The following VCPKMT variants were observed in gnomAD, a reference collection of about 807,000 sequenced individuals.
VCPKMT encodes the protein protein N-lysine methyltransferase METTL21D.
Under a neutral mutation model 28.6 loss-of-function variants are expected in VCPKMT, and 32 were observed. That is an observed-to-expected ratio of 1.12 (90% CI 0.84 to 1.50). The LOEUF (loss-of-function observed/expected upper bound fraction) is 1.50. Among genes scored for constraint, VCPKMT ranks in the 40% most tolerant of loss-of-function variants. VCPKMT has a pLI of 0.00. For synonymous variants in VCPKMT, 138 were observed against 111.4 expected (o/e 1.24, Z -1.50); for missense variants, 366 against 285.0 (o/e 1.28, Z -2.05).
chr14:50,104,227 T>A (rs888602584), downstream of VCPKMT, among the ~76,000 whole-genome samples: 2 of 152,228 alleles, frequency 1.3e-5, no homozygotes, highest in African/African-American at 2.4e-5. Context: ...AATGATAGCA[T>A]CTTGTCATTA....
rs115561175 is a variant in VCPKMT, at chr14:50,115,613, G to C, written c.450+226C>G. ...TTTAAAATTTTTACAGAAGCCTCTAGTAAAATGCATATAACACTTTTCTCA... is the reference window on the plus strand; with the variant it reads ...TTTAAAATTTTTACAGAAGCCTCTACTAAAATGCATATAACACTTTTCTCA... On this transcript the variant is annotated intron_variant, in intron 3 of 5. Transcript: ENST00000395860. Among the ~76,000 whole-genome samples the C allele has an allele frequency of 5.5e-3, 840 of 152,298 alleles. 10 individuals are homozygous for C. The highest frequency in any genetic ancestry group is 0.019 in the African/African-American group (806 of 41,546).
rs1447094267 is a variant in VCPKMT at position 50,109,208 on chromosome 14, G to A, written c.*491C>T. The A allele has an allele frequency of 1.1e-6, 1 of 894,394 alleles. No individual in the cohort carries two copies. The highest frequency in any genetic ancestry group is 1.3e-6 in the Non-Finnish European group (1 of 746,984). 55.4% of individuals were successfully genotyped at this position (894,394 alleles called of 1,614,324 possible). ...AAAGATATTTTAAAAGAAATGAAGT[G>A]GAAAATACAAATGATAAATATTGTA... On this transcript the variant is annotated 3_prime_UTR_variant, in exon 6 of 6. Transcript: ENST00000395860.
At chr14:50,110,635 G>T (rs1274815838) in intron 5 of VCPKMT, among the ~76,000 whole-genome samples, 1 of 152,192 alleles carries the variant, frequency 6.6e-6, no homozygotes, top group African/African-American at 2.4e-5. Context: ...ACACAGTTTG[G>T]CAAGTCTTCA....
Position 50,109,447 on chromosome 14 carries a change from C to T in VCPKMT, c.*252G>A. The T allele has an allele frequency of 8.3e-7, 1 of 1,209,142 alleles. No individual in the cohort carries two copies. The highest frequency in any genetic ancestry group is 1.6e-5 in the African/African-American group (1 of 63,724). The allele number at this position is 1,209,142 out of a possible 1,614,324, so 74.9% of individuals were successfully genotyped here. A position where few individuals can be genotyped will look rare whatever the true frequency, so the allele number is the denominator to read the frequency against. The stretch of plus-strand genomic sequence containing the variant: ...TTTTATTTGAATAACTGATTCCCAA[C>T]ATTTAAGAAGAACTTGATGCTGAAC... On this transcript the variant is annotated 3_prime_UTR_variant, in exon 6 of 6. Coordinates refer to ENST00000395860, the MANE Select transcript of VCPKMT (RefSeq NM_024558.3).
At chr14:50,113,730 C>G (rs1038070947) in intron 4 of VCPKMT, among the ~76,000 whole-genome samples, 1 of 137,264 alleles carries the variant, frequency 7.3e-6, no homozygotes, top group African/African-American at 2.8e-5. Flanking sequence ...CCCATCTCTA[C>G]AAAAAAATAC....
chr14:50,115,151 T>G (rs1429237892), intron 3 of VCPKMT, among the ~76,000 whole-genome samples: 5 of 117,164 alleles, frequency 4.3e-5, no homozygotes, highest in East Asian at 4.4e-4. Context: ...TGATGTTTTT[T>G]TTTTTTTTTT....
Position 50,114,368 on chromosome 14 carries a change from T to G in VCPKMT, c.487A>C (p.Ser163Arg), listed in dbSNP as rs768983228. The G allele has an allele frequency of 6.3e-7, 1 of 1,583,294 alleles. No homozygotes were observed. The highest frequency in any genetic ancestry group is 8.6e-7 in the Non-Finnish European group (1 of 1,167,740). The change falls in exon 4 of 6, where the codon AGC becomes CGC. Residue 163 changes from serine to arginine, a missense_variant. Physicochemically the swap from Ser to Arg is moderately radical, Grantham distance 110. Transcript: ENST00000395860. ...CATATAATACAAGTTTCAAATCCGC[T>G]GATATCTTTTAGAGTTTTCAGCAAT... is the stretch of plus-strand genomic sequence containing the variant. Reference protein sequence around the residue: ...EPLLKTLKDISGFETCIICCY... With the variant: ...EPLLKTLKDIRGFETCIICCY...
chr14:50,102,964 T>C, the VCPKMT span, among the ~76,000 whole-genome samples: 2 of 152,246 alleles, frequency 1.3e-5, no homozygotes, highest in African/African-American at 4.8e-5. Context: ...AGCCCACTGC[T>C]CATGGGCCGC....
rs751365839 is a variant in VCPKMT, at chr14:50,115,919, A to G, written c.378-8T>C. 6.2e-7 allele frequency: 1 copy of G among 1,613,180 alleles called. No homozygotes were observed. The highest frequency in any genetic ancestry group is 1.1e-5 in the South Asian group (1 of 90,968). Reference sequence around the variant, plus strand: ...CCTTCTATTTCTTCCCCCCTTAAAAATGCCAAACAAATATTTCAATTGTTT... The same window carrying G: ...CCTTCTATTTCTTCCCCCCTTAAAAGTGCCAAACAAATATTTCAATTGTTT... On this transcript the variant is annotated splice_polypyrimidine_tract_variant and splice_region_variant and intron_variant, in intron 2 of 5. Coordinates refer to ENST00000395860, the MANE Select transcript of VCPKMT (RefSeq NM_024558.3).
chr14:50,108,683 A>G lies in VCPKMT; in HGVS notation c.*1016T>C, dbSNP rs1239499620. On this transcript the variant is annotated 3_prime_UTR_variant, in exon 6 of 6. Transcript: ENST00000395860. ...TAACACATAAAATGTACCATCTAGC[A>G]CCAATGCCTATAAATACCAGAATTC... 1.0e-6 allele frequency: 1 copy of G among 985,738 alleles called. No homozygotes were observed. The highest frequency in any genetic ancestry group is 6.1e-5 in the Admixed American group (1 of 16,270). The allele number at this position is 985,738 out of a possible 1,614,324, so 61.1% of individuals were successfully genotyped here.
At chr14:50,106,510 C>T (rs948781322), downstream of VCPKMT, 165 of 977,062 alleles carry the variant, frequency 1.7e-4, no homozygotes, top group Middle Eastern at 1.1e-3. Context: ...GTCTTCTAAC[C>T]CTCAATTCAT....
chr14:50,109,976 T>G (rs1176809987), intron 5 of VCPKMT, among the ~76,000 whole-genome samples: 3 of 152,214 alleles, frequency 2.0e-5, no homozygotes, highest in African/African-American at 7.2e-5. Context: ...CCGGGTGTGG[T>G]GGCTCACACC....
chr14:50,107,880 C>T (rs1882387149), downstream of VCPKMT, among the ~76,000 whole-genome samples: 1 of 151,990 alleles, frequency 6.6e-6, no homozygotes. Context: ...AGGCCAAAGA[C>T]CCACAGATAG....
At chr14:50,110,434 CCAAG>C (rs1882562943) in intron 5 of VCPKMT, among the ~76,000 whole-genome samples, 1 of 152,022 alleles carries the variant, frequency 6.6e-6, no homozygotes, top group Non-Finnish European at 1.5e-5. Context: ...TGAAAATGGG[CCAAG>C]CATTTCTTCT....
downstream of VCPKMT, among the ~76,000 whole-genome samples, chr14:50,106,920 A>G (rs113085958): frequency 9.5e-3 from 1,450 of 152,248 alleles, 21 homozygotes; most frequent in African/African-American, 0.033. Flanking sequence ...GGGTCTTGCT[A>G]TGTTGCCCAG....
At chr14:50,114,128 G>C (rs1882925481) in intron 4 of VCPKMT, among the ~76,000 whole-genome samples, 157 bp downstream of exon 4, 1 of 152,130 alleles carries the variant, frequency 6.6e-6, no homozygotes, top group African/African-American at 2.4e-5. Flanking sequence ...TGAAAAAGGG[G>C]AGCTTCGTAG....
At chr14:50,115,205 T>G (rs1229482655) in intron 3 of VCPKMT, among the ~76,000 whole-genome samples, 1 of 147,042 alleles carries the variant, frequency 6.8e-6, no homozygotes, top group East Asian at 2.0e-4. Flanking sequence ...CAGGCTGGAA[T>G]GCAATGGCAT....
rs373405834 is a variant in VCPKMT at position 50,116,520 on chromosome 14, G to A, written c.33C>T (p.Asp11=). ...AAACTCGCACAAAGCTCCGCAGTGG[G>A]TCCTCCAGCGAGGACTCCAGCGTAT... MADTLESSLE[D]PLRSFVRVLE... The change falls in exon 1 of 6, where the codon GAC becomes GAT. Residue 11 remains aspartate (D), a synonymous_variant. Coordinates refer to ENST00000395860, the MANE Select transcript of VCPKMT (RefSeq NM_024558.3). 5.3e-5 allele frequency: 85 copies of A among 1,613,138 alleles called. No individual in the cohort carries two copies. The highest frequency in any genetic ancestry group is 1.7e-6 in the Non-Finnish European group (2 of 1,179,716).
downstream of VCPKMT, among the ~76,000 whole-genome samples, chr14:50,108,134 A>AG (rs1882399368): frequency 6.8e-6 from 1 of 147,162 alleles, no homozygotes; most frequent in Admixed American, 7.0e-5. Flanking sequence ...GGTTGCAGTG[A>AG]GCCAAGATTG....
Sources: allele counts gnomAD v4.1 joint callset (sites outside exome capture counted in the v4.1 genomes callset), GRCh38; gene constraint gnomAD v4.1.1; transcripts MANE v1.5; gene names NCBI Gene and HGNC (gene_info 2026-07-23, HGNC 2026-07-21).